GMDS: variants seen among roughly 807,000 people sequenced by gnomAD.
GMDS encodes GDP-mannose 4,6 dehydratase.
In GMDS, 20 loss-of-function variants were observed where a neutral mutation model predicts 49.9. The ratio of observed to expected loss-of-function variants is 0.40; its 90% CI spans 0.28 to 0.58. GMDS has a LOEUF of 0.58. GMDS is among the 20% of genes least tolerant of loss of function. GMDS has a pLI of 0.42. For synonymous variants in GMDS, 177 were observed against 178.6 expected (o/e 0.99, Z 0.07); for missense variants, 362 against 481.4 (o/e 0.75, Z 2.32).
intron 1 of GMDS, among the ~76,000 whole-genome samples, chr6:2,210,384 A>G (rs1009166881): frequency 7.2e-5 from 11 of 152,214 alleles, no homozygotes; most frequent in Non-Finnish European, 1.3e-4. Context: ...ACCTATTATT[A>G]AGAAAACCTG....
intron 4 of GMDS, among the ~76,000 whole-genome samples, chr6:2,007,892 T>C (rs1392103873): frequency 1.3e-5 from 2 of 152,194 alleles, no homozygotes; most frequent in African/African-American, 2.4e-5. Flanking sequence ...GAGTCAGCAG[T>C]GCTAAAGGGT....
intron 1 of GMDS, among the ~76,000 whole-genome samples, chr6:2,213,097 G>A (rs562616128): frequency 1.1e-4 from 17 of 152,238 alleles, no homozygotes; most frequent in South Asian, 4.1e-4. Context: ...TAAAGGGGGC[G>A]TGGGCTCTCA....
rs566067158 is a variant in GMDS at position 2,191,470 on chromosome 6, C to T, written c.102+53851G>A. On this transcript the variant is annotated intron_variant, in intron 1 of 10. Coordinates refer to ENST00000380815, the MANE Select transcript of GMDS (RefSeq NM_001500.4). This position sits in a 1 kb window ranked among gnomAD's most constrained non-coding sequence, Gnocchi z 4.6. ...GCCCTCCCAGACACATCTGCAGCCG[C>T]CCAGGTGGGGCTGTGGACCCGGGCC... Among the ~76,000 whole-genome samples, 25 of 152,332 alleles carry T rather than the reference C, an allele frequency of 1.6e-4. No homozygotes were observed. The highest frequency in any genetic ancestry group is 1.5e-3 in the Admixed American group (23 of 15,310).
intron 4 of GMDS, among the ~76,000 whole-genome samples, chr6:2,010,843 C>T (rs1214067745): frequency 6.6e-6 from 1 of 151,862 alleles, no homozygotes; most frequent in Non-Finnish European, 1.5e-5. Flanking sequence ...AACAATAGAA[C>T]AAAGACCAAA....
At chr6:2,089,968 G>A (rs1319642154) in intron 4 of GMDS, among the ~76,000 whole-genome samples, 1 of 152,104 alleles carries the variant, frequency 6.6e-6, no homozygotes, top group African/African-American at 2.4e-5. Flanking sequence ...TTTGATTTCT[G>A]TGCCTTTGAT....
At chr6:2,008,560 G>T (rs549906727) in intron 4 of GMDS, among the ~76,000 whole-genome samples, 167 of 152,290 alleles carry the variant, frequency 1.1e-3, no homozygotes, top group Middle Eastern at 3.4e-3. Context: ...CAAGCTTGTT[G>T]ATGACTGATA....
At chr6:1,624,450 G>T (rs746646212) in intron 10 of GMDS, 22 bp downstream of exon 10, 1 of 1,604,474 alleles carries the variant, frequency 6.2e-7, no homozygotes, top group South Asian at 1.1e-5. Context: ...AGCGGGCGGC[G>T]TGCGCCCTAA....
chr6:2,186,862 T>C (rs1383589362), intron 1 of GMDS, among the ~76,000 whole-genome samples: 2 of 152,238 alleles, frequency 1.3e-5, no homozygotes, highest in Non-Finnish European at 1.5e-5. Flanking sequence ...ACAAATAGTA[T>C]ATATACGTGT....
At chr6:1,746,332 C>T (rs1767495129) in intron 7 of GMDS, among the ~76,000 whole-genome samples, 1 of 152,224 alleles carries the variant, frequency 6.6e-6, no homozygotes, top group Admixed American at 6.5e-5. Context: ...TACTTATTTA[C>T]TTTCAGTCCT....
At position 1,994,730 on chromosome 6, in the gene GMDS, A is replaced by G. The variant is rs146482427; in HGVS notation, c.346-33764T>C. 3.3e-4 allele frequency among the ~76,000 whole-genome samples: 50 copies of G among 152,212 alleles called. 1 individual carries two copies. Among genetic ancestry groups the G allele is most frequent in the Admixed American group, 2.6e-4 (4 of 15,288 alleles). ...CCTGGGGCCTCCAGAAGGAGGTGGCATTAAGCTGAGTTTCACTGGATAGGT... is the reference window on the plus strand; with the variant it reads ...CCTGGGGCCTCCAGAAGGAGGTGGCGTTAAGCTGAGTTTCACTGGATAGGT... On this transcript the variant is annotated intron_variant, in intron 4 of 10. Transcript: ENST00000380815.
intron 9 of GMDS, among the ~76,000 whole-genome samples, chr6:1,692,714 A>G (rs1423021014): frequency 6.6e-6 from 1 of 152,222 alleles, no homozygotes; most frequent in African/African-American, 2.4e-5. Context: ...CATGACAGAC[A>G]TTATAGATTT....
At chr6:1,647,152 A>C (rs1763510735) in intron 9 of GMDS, among the ~76,000 whole-genome samples, 1 of 152,242 alleles carries the variant, frequency 6.6e-6, no homozygotes, top group Non-Finnish European at 1.5e-5. Context: ...TTCTGCAAGA[A>C]ACAATGACCA....
Position 1,640,801 on chromosome 6 carries a change from A to G in GMDS, c.988-16261T>C, listed in dbSNP as rs1291753473. 6.7e-6 allele frequency among the ~76,000 whole-genome samples: 1 copy of G among 149,870 alleles called. No individual in the cohort carries two copies. The highest frequency in any genetic ancestry group is 2.4e-5 in the African/African-American group (1 of 40,864). ...GGTGGTTACAAGGCCTCTGATAAAA[A>G]GAAAATTGGGTAATGGGGGGGGTCA... On this transcript the variant is annotated intron_variant, in intron 9 of 10. Transcript: ENST00000380815. This position sits in a 1 kb window ranked among gnomAD's most constrained non-coding sequence, Gnocchi z 4.0.
intron 9 of GMDS, among the ~76,000 whole-genome samples, chr6:1,685,309 G>A (rs1764937786): frequency 6.6e-6 from 1 of 152,134 alleles, no homozygotes; most frequent in Non-Finnish European, 1.5e-5. Context: ...GCTGAGGCCG[G>A]AGCCGAGATC....
chr6:1,803,573 CAAATAAAT>C lies in GMDS; in HGVS notation c.772-60995_772-60988del, dbSNP rs559782204. On this transcript the variant is annotated intron_variant, in intron 7 of 10. Transcript: ENST00000380815. ...AACCAAAATGCTCCCTTCCCGTCCCCAAATAAATAAATAAATAAATAAATATAATAGTT... is the reference window on the plus strand; with the variant it reads ...AACCAAAATGCTCCCTTCCCGTCCCCAAATAAATAAATAAATATAATAGTT... Among the ~76,000 whole-genome samples, 4 of 151,348 alleles carry C rather than the reference CAAATAAAT, an allele frequency of 2.6e-5. No individual in the cohort carries two copies. In the South Asian group the frequency reaches 6.3e-4, roughly 24 times the overall value.
intron 4 of GMDS, among the ~76,000 whole-genome samples, chr6:1,996,849 T>G (rs1260367378): frequency 6.6e-6 from 1 of 152,192 alleles, no homozygotes; most frequent in African/African-American, 2.4e-5. Flanking sequence ...AGAATTCCAC[T>G]ACTCAGAAGA....
chr6:1,997,179 G>A (rs1379279193), intron 4 of GMDS, among the ~76,000 whole-genome samples: 1 of 152,034 alleles, frequency 6.6e-6, no homozygotes, highest in Admixed American at 6.6e-5. Context: ...AAGACCTGAG[G>A]AAGGAATAGG....
At chr6:2,206,017 G>C in intron 1 of GMDS, among the ~76,000 whole-genome samples, 1 of 152,094 alleles carries the variant, frequency 6.6e-6, no homozygotes, top group East Asian at 1.9e-4. Context: ...TCAGCGCTTT[G>C]GGAGGCCAAG....
chr6:2,076,740 C>T (rs1313636404), intron 4 of GMDS, among the ~76,000 whole-genome samples: 2 of 152,160 alleles, frequency 1.3e-5, no homozygotes, highest in East Asian at 1.9e-4. Flanking sequence ...CCCTTCCTTA[C>T]ACCTTATACA....
Sources: allele counts gnomAD v4.1 joint callset (sites outside exome capture counted in the v4.1 genomes callset), GRCh38; gene constraint gnomAD v4.1.1; non-coding constraint Gnocchi (gnomAD v3.1); transcripts MANE v1.5; gene names NCBI Gene and HGNC (gene_info 2026-07-23, HGNC 2026-07-21).